The following FRS2 variants were observed in gnomAD, a reference collection of about 807,000 sequenced individuals.
FRS2 encodes the protein fibroblast growth factor receptor substrate 2.
Under a neutral mutation model 43.9 loss-of-function variants are expected in FRS2, and 8 were observed. That is an observed-to-expected ratio of 0.18 (90% confidence interval 0.11 to 0.33). The LOEUF (loss-of-function observed/expected upper bound fraction) is 0.33, where lower values mean the gene tolerates loss of function less well. Ranked by LOEUF, FRS2 falls within the 10% of genes least tolerant of loss-of-function variation. FRS2 has a pLI of 1.00. For missense variants in FRS2, 534 were observed against 627.6 expected (o/e 0.85, Z 1.59); for synonymous variants, 219 against 220.3 (o/e 0.99, Z 0.05).
At chr12:69,523,852 A>G (rs542179681) in intron 1 of FRS2, among the ~76,000 whole-genome samples, 1 of 152,318 alleles carries the variant, frequency 6.6e-6, no homozygotes, top group South Asian at 2.1e-4. Context: ...GCCGGATATT[A>G]AATTCCAGTG....
chr12:69,495,100 G>A (rs1357803126), intron 1 of FRS2, among the ~76,000 whole-genome samples: 1 of 152,044 alleles, frequency 6.6e-6, no homozygotes, highest in Non-Finnish European at 1.5e-5. Context: ...GTATTCCCTG[G>A]TATCGATATG....
intron 1 of FRS2, among the ~76,000 whole-genome samples, chr12:69,492,306 C>T (rs1872553569): frequency 6.6e-6 from 1 of 152,068 alleles, no homozygotes; most frequent in Admixed American, 6.6e-5. Flanking sequence ...TCTGTATTTC[C>T]ATTAAGTCAT....
chr12:69,572,076 G>A (rs763214137), intron 7 of FRS2, 42 bp from the exon 8 acceptor site: 3 of 1,542,374 alleles, frequency 1.9e-6, no homozygotes, highest in South Asian at 1.1e-5. Context: ...TATTCTCTCT[G>A]CCCCGCCCCC....
chr12:69,568,244 T>C (rs921466354), intron 4 of FRS2, among the ~76,000 whole-genome samples: 2 of 152,234 alleles, frequency 1.3e-5, no homozygotes, highest in African/African-American at 4.8e-5. Flanking sequence ...TTTTGAGTTG[T>C]CTTTCTCTCT....
chr12:69,541,941 A>G (rs1426514991), intron 3 of FRS2, among the ~76,000 whole-genome samples: 1 of 152,108 alleles, frequency 6.6e-6, no homozygotes, highest in Non-Finnish European at 1.5e-5. Context: ...TGTAATTCTA[A>G]CAAATTTTTT....
chr12:69,572,416 A>C, intron 8 of FRS2, 135 bp downstream of exon 8: 1 of 682,568 alleles, frequency 1.5e-6, no homozygotes, highest in Non-Finnish European at 2.5e-6. Flanking sequence ...GTGAACAATC[A>C]GAGGAGATAG....
chr12:69,507,360 G>A (rs1874037705), intron 1 of FRS2, among the ~76,000 whole-genome samples: 1 of 152,088 alleles, frequency 6.6e-6, no homozygotes, highest in Non-Finnish European at 1.5e-5. Context: ...TGTTATATGG[G>A]TGTGCAATGT....
rs755082259 is a variant in FRS2, at chr12:69,570,340, G to A, written c.76G>A (p.Val26Met). The change falls in exon 6 of 9, where the codon GTG becomes ATG. Residue 26 changes from valine (V) to methionine (M), a missense_variant. Val to Met is a conservative substitution (Grantham distance 21, BLOSUM62 1). Transcript: ENST00000549921. Reference protein sequence around the residue: ...NHRNKFKVINVDDDGNELGSG... With the variant: ...NHRNKFKVINMDDDGNELGSG... The stretch of plus-strand genomic sequence containing the variant: ...CACCTTCTTTTTTTAGGTCATTAAT[G>A]TGGATGATGATGGGAATGAGTTAGG... The A allele has an allele frequency of 6.2e-7, 1 of 1,612,942 alleles. No homozygotes were observed. The highest frequency in any genetic ancestry group is 8.5e-7 in the Non-Finnish European group (1 of 1,178,916).
chr12:69,528,927 A>G (rs1012746316), intron 1 of FRS2, among the ~76,000 whole-genome samples: 5 of 152,172 alleles, frequency 3.3e-5, no homozygotes, highest in African/African-American at 1.2e-4. Flanking sequence ...AAGGTGCTTG[A>G]TAAGTTTAAG....
intron 3 of FRS2, among the ~76,000 whole-genome samples, chr12:69,559,836 C>T (rs1158729386): frequency 1.3e-5 from 2 of 150,634 alleles, no homozygotes; most frequent in East Asian, 1.9e-4. Context: ...TTTTTGAATG[C>T]CATCCTCTTG....
intron 1 of FRS2, among the ~76,000 whole-genome samples, chr12:69,516,410 G>T (rs1875041436): frequency 6.6e-6 from 1 of 151,862 alleles, no homozygotes; most frequent in African/African-American, 2.4e-5. Flanking sequence ...TAGAGACGGG[G>T]TTTCTCCATG....
At chr12:69,525,454 A>G (rs953058504) in intron 1 of FRS2, among the ~76,000 whole-genome samples, 3 of 152,184 alleles carry the variant, frequency 2.0e-5, no homozygotes, top group African/African-American at 7.2e-5. Context: ...AAACAAGTAA[A>G]TGCCACAGGT....
chr12:69,551,793 G>A (rs747802788), intron 3 of FRS2, among the ~76,000 whole-genome samples: 1 of 152,082 alleles, frequency 6.6e-6, no homozygotes, highest in Non-Finnish European at 1.5e-5. Context: ...CAACATCTGG[G>A]AAGGAGTAAA....
chr12:69,485,775 G>T (rs991136902), intron 1 of FRS2, among the ~76,000 whole-genome samples: 3 of 152,150 alleles, frequency 2.0e-5, no homozygotes, highest in Non-Finnish European at 4.4e-5. Flanking sequence ...ACCTAAACAG[G>T]TTTTAATTGA....
chr12:69,484,881 C>A (rs1353056469), intron 1 of FRS2, among the ~76,000 whole-genome samples: 1 of 152,062 alleles, frequency 6.6e-6, no homozygotes, highest in Non-Finnish European at 1.5e-5. Context: ...GCATCTTTTA[C>A]TTTTCTGTGT....
At chr12:69,518,095 AAC>A (rs1209776082) in intron 1 of FRS2, among the ~76,000 whole-genome samples, 1 of 152,186 alleles carries the variant, frequency 6.6e-6, no homozygotes, top group Non-Finnish European at 1.5e-5. Flanking sequence ...TTTCATGAGA[AAC>A]ACTATTTCAC....
intron 5 of FRS2, 128 bp from the exon 6 acceptor site, chr12:69,570,203 G>A (rs1209984157): frequency 4.1e-5 from 28 of 689,636 alleles, no homozygotes; most frequent in Non-Finnish European, 5.9e-5. Flanking sequence ...ACACGGCTAC[G>A]TAGTCCATGC....
intron 1 of FRS2, among the ~76,000 whole-genome samples, chr12:69,488,335 C>T (rs192489904): frequency 5.9e-5 from 9 of 152,206 alleles, no homozygotes; most frequent in East Asian, 1.9e-4. Flanking sequence ...ATCAGTCAGC[C>T]GCTGTAACCT....
chr12:69,474,692 C>G (rs1354279871), intron 1 of FRS2, among the ~76,000 whole-genome samples: 3 of 152,152 alleles, frequency 2.0e-5, no homozygotes, highest in African/African-American at 7.2e-5. Context: ...TCCAGAGTGT[C>G]AGATTTGGTT....
Sources: allele counts gnomAD v4.1 joint callset (sites outside exome capture counted in the v4.1 genomes callset), GRCh38; gene constraint gnomAD v4.1.1; transcripts MANE v1.5; gene names NCBI Gene and HGNC (gene_info 2026-07-23, HGNC 2026-07-21).